Variants in OPHN1 observed in about 807,000 individuals in gnomAD.
The protein encoded by OPHN1 is oligophrenin-1.
A neutral mutation model predicts 60.7 loss-of-function variants in OPHN1; 11 were observed. The ratio of observed to expected loss-of-function variants is 0.18; its 90% confidence interval spans 0.11 to 0.30. The LOEUF (loss-of-function observed/expected upper bound fraction) is 0.30, where lower values mean the gene tolerates loss of function less well. Ranked by LOEUF, OPHN1 falls within the 10% of genes least tolerant of loss-of-function variation. The pLI, the probability that OPHN1 is intolerant of heterozygous loss-of-function variation, is 1.00. For missense variants in OPHN1, 449 were observed against 611.0 expected (o/e 0.73, Z 2.80); for synonymous variants, 226 against 222.6 (o/e 1.02, Z -0.14).
intron 2 of OPHN1, among the ~76,000 whole-genome samples, chrX:68,344,098 T>C (rs1339676944): frequency 8.9e-6 from 1 of 112,034 alleles, no homozygotes; most frequent in African/African-American, 3.2e-5. Flanking sequence ...GTGGGAACTA[T>C]CCAAAGGTGT....
intron 2 of OPHN1, among the ~76,000 whole-genome samples, chrX:68,372,528 C>T (rs770547740): frequency 2.2e-4 from 24 of 111,483 alleles, no homozygotes; most frequent in Non-Finnish European, 4.1e-4. Context: ...AATCCCTGTC[C>T]TATCTCTCTC....
intron 11 of OPHN1, among the ~76,000 whole-genome samples, chrX:68,200,418 G>A (rs2077530450): frequency 9.0e-6 from 1 of 111,174 alleles, no homozygotes. Context: ...CTAACCACGG[G>A]GACAAACTGT....
chrX:68,261,441 C>T (rs2147565971), intron 5 of OPHN1, among the ~76,000 whole-genome samples: 1 of 111,667 alleles, frequency 9.0e-6, no homozygotes, highest in African/African-American at 3.3e-5. Flanking sequence ...TGGACTAAGA[C>T]TTGCTTGTCC....
intron 15 of OPHN1, among the ~76,000 whole-genome samples, chrX:68,131,785 C>G (rs2077195831): frequency 8.9e-6 from 1 of 111,938 alleles, no homozygotes; most frequent in African/African-American, 3.3e-5. Context: ...GACTATACTT[C>G]TCAGTTGCAC....
intron 2 of OPHN1, among the ~76,000 whole-genome samples, chrX:68,357,446 C>A (rs943361999): frequency 1.9e-5 from 2 of 106,550 alleles, no homozygotes; most frequent in Non-Finnish European, 3.9e-5. Context: ...TGTTCCCCTT[C>A]CTGTGTCCAT....
At chrX:68,138,842 A>C (rs1334174107) in intron 15 of OPHN1, among the ~76,000 whole-genome samples, 1 of 112,167 alleles carries the variant, frequency 8.9e-6, no homozygotes, top group Admixed American at 9.5e-5. Flanking sequence ...GCTGGAATAC[A>C]AACCCAGATA....
intron 11 of OPHN1, 45 bp downstream of exon 11, chrX:68,201,574 A>C: frequency 9.4e-7 from 1 of 1,058,420 alleles, no homozygotes; most frequent in Non-Finnish European, 1.3e-6. Context: ...CAGGCTAAGC[A>C]TCTGGCACGT....
intron 2 of OPHN1, among the ~76,000 whole-genome samples, chrX:68,417,871 C>A (rs1053071078): frequency 8.9e-6 from 1 of 112,657 alleles, no homozygotes; most frequent in South Asian, 3.6e-4. Flanking sequence ...GCAACCGCCT[C>A]CTTGCCCAGT....
chrX:68,397,027 G>A (rs2078688398), intron 2 of OPHN1, among the ~76,000 whole-genome samples: 1 of 110,581 alleles, frequency 9.0e-6, no homozygotes, highest in African/African-American at 3.3e-5. Context: ...GGTGGCTAGC[G>A]AAAACTGCCT....
intron 2 of OPHN1, among the ~76,000 whole-genome samples, chrX:68,332,613 T>G (rs1039738051): frequency 4.5e-5 from 5 of 111,599 alleles, no homozygotes; most frequent in Non-Finnish European, 9.4e-5. Context: ...CTTTTTCAAA[T>G]TTGCTGAATA....
chrX:68,117,349 C>A (rs1451932840), intron 16 of OPHN1, among the ~76,000 whole-genome samples: 1 of 111,834 alleles, frequency 8.9e-6, no homozygotes, highest in East Asian at 2.8e-4. Flanking sequence ...CTATTAAATG[C>A]CTTCATAGCA....
At chrX:68,105,358 G>A (rs1019788772) in intron 18 of OPHN1, among the ~76,000 whole-genome samples, 3 of 110,579 alleles carry the variant, frequency 2.7e-5, no homozygotes, top group Non-Finnish European at 3.8e-5. Context: ...ACATGTACAC[G>A]TATGTTTATT....
At chrX:68,413,784 A>G (rs2078780694) in intron 2 of OPHN1, among the ~76,000 whole-genome samples, 1 of 111,643 alleles carries the variant, frequency 9.0e-6, no homozygotes, top group Non-Finnish European at 1.9e-5. Context: ...AAGAAATCCT[A>G]GAGAAAACAT....
chrX:68,239,510 G>C (rs1351106126), intron 5 of OPHN1, among the ~76,000 whole-genome samples: 2 of 111,344 alleles, frequency 1.8e-5, no homozygotes, highest in Non-Finnish European at 3.8e-5. Flanking sequence ...GCCAGGGACC[G>C]GGCCTTTCTC....
intron 2 of OPHN1, among the ~76,000 whole-genome samples, chrX:68,403,783 G>A (rs1448122261): frequency 1.8e-5 from 2 of 110,154 alleles, no homozygotes; most frequent in Admixed American, 2.0e-4. Context: ...AACAGAGGCA[G>A]CATTCTGAAC....
chrX:68,127,381 T>C (rs976013057), intron 15 of OPHN1, among the ~76,000 whole-genome samples: 2 of 111,803 alleles, frequency 1.8e-5, no homozygotes, highest in African/African-American at 6.5e-5. Context: ...ATACTTCTTA[T>C]TTTTTTCTTT....
intron 15 of OPHN1, among the ~76,000 whole-genome samples, chrX:68,169,362 A>G (rs1416962964): frequency 9.0e-6 from 1 of 111,340 alleles, no homozygotes; most frequent in Admixed American, 9.6e-5. Context: ...TGCCCAAGGT[A>G]ATTTATAGAT....
chrX:68,317,367 G>GAA (rs1569278090), intron 2 of OPHN1, among the ~76,000 whole-genome samples: 1 of 69,998 alleles, frequency 1.4e-5, no homozygotes, highest in African/African-American at 6.8e-5. Flanking sequence ...AAGAAAGAAA[G>GAA]AAAGAAAGAA....
intron 6 of OPHN1, among the ~76,000 whole-genome samples, chrX:68,222,083 A>G (rs1437440554): frequency 1.8e-5 from 2 of 108,160 alleles, no homozygotes; most frequent in African/African-American, 3.4e-5. Context: ...AATTTACAAG[A>G]AAAAAACAAA....
Sources: gnomAD v4.1 joint callset for allele counts (sites outside exome capture counted in the v4.1 genomes callset) on GRCh38, gnomAD v4.1.1 for gene constraint, MANE v1.5 for transcripts, NCBI Gene and HGNC (gene_info 2026-07-23, HGNC 2026-07-21) for gene names.